SERPINA12: variants seen among roughly 807,000 people sequenced by gnomAD.
SERPINA12 encodes the protein serpin A12.
In SERPINA12, 21 loss-of-function variants were observed where a neutral mutation model predicts 25.9. That is an observed-to-expected ratio of 0.81 (90% CI 0.58 to 1.17). The LOEUF (loss-of-function observed/expected upper bound fraction) is 1.17, where lower values mean the gene tolerates loss of function less well. SERPINA12 is among the 50% of genes most tolerant of loss of function. The pLI, the probability that SERPINA12 is intolerant of heterozygous loss-of-function variation, is 0.00. For synonymous variants in SERPINA12, 220 were observed against 196.0 expected (o/e 1.12, Z -1.02); for missense variants, 562 against 508.3 (o/e 1.11, Z -1.02).
At chr14:94,514,573 A>C (rs1387128635) in intron 2 of SERPINA12, among the ~76,000 whole-genome samples, 1 of 152,158 alleles carries the variant, frequency 6.6e-6, no homozygotes, top group East Asian at 1.9e-4. Context: ...GTGGCTCTAA[A>C]GGGCTTGCTT....
At chr14:94,492,536 A>G (rs902938973) in intron 3 of SERPINA12, among the ~76,000 whole-genome samples, 9 of 152,228 alleles carry the variant, frequency 5.9e-5, no homozygotes, top group Non-Finnish European at 1.3e-4. Context: ...AGGAAAGATA[A>G]GGGCATCTTT....
intron 1 of SERPINA12, among the ~76,000 whole-genome samples, chr14:94,506,447 G>A (rs1900935404): frequency 6.6e-6 from 1 of 152,198 alleles, no homozygotes; most frequent in African/African-American, 2.4e-5. Context: ...GATCCTAGCT[G>A]GGGTGCTCTG....
chr14:94,492,136 G>A (rs1020008771), intron 3 of SERPINA12, among the ~76,000 whole-genome samples: 8 of 152,092 alleles, frequency 5.3e-5, no homozygotes, highest in African/African-American at 1.2e-4. Flanking sequence ...GAAACCAGCC[G>A]AAGAGCGAGG....
upstream of SERPINA12, among the ~76,000 whole-genome samples, chr14:94,513,988 A>G (rs1411371709): frequency 6.6e-6 from 1 of 152,134 alleles, no homozygotes; most frequent in African/African-American, 2.4e-5. Context: ...GAAGGGCAGC[A>G]TGGTGCGGGC....
At chr14:94,502,092 A>T (rs1900755215) in intron 1 of SERPINA12, among the ~76,000 whole-genome samples, 1 of 145,216 alleles carries the variant, frequency 6.9e-6, no homozygotes, top group Non-Finnish European at 1.5e-5. Flanking sequence ...ATAAATAAAG[A>T]GATAAAACTA....
At chr14:94,503,737 T>C (rs1476224662) in intron 1 of SERPINA12, among the ~76,000 whole-genome samples, 2 of 152,232 alleles carry the variant, frequency 1.3e-5, no homozygotes, top group Non-Finnish European at 2.9e-5. Flanking sequence ...ACTTTCTCCA[T>C]GAACCAGTGA....
chr14:94,501,208 A>G (rs1900706563), intron 1 of SERPINA12: 14 of 981,112 alleles, frequency 1.4e-5, no homozygotes, highest in Non-Finnish European at 1.7e-5. Context: ...GATTAAAAAT[A>G]GAAGCTTCTG....
At chr14:94,504,684 A>G (rs1900870081) in intron 1 of SERPINA12, among the ~76,000 whole-genome samples, 1 of 152,244 alleles carries the variant, frequency 6.6e-6, no homozygotes, top group East Asian at 1.9e-4. Context: ...CAGGAATTAA[A>G]AATTCACCTC....
At position 94,497,753 on chromosome 14, in the gene SERPINA12, A is replaced by G. The variant is rs759375590; in HGVS notation, c.634+11T>C. ...CCTATTCTTTCCACACCAACATGCC[A>G]AAAGCCTTACCTCGAAAGAAAATAT... On this transcript the variant is annotated intron_variant, in intron 2 of 4. Coordinates refer to ENST00000677451, the MANE Select transcript of SERPINA12 (RefSeq NM_001382267.1). 17 of 1,589,380 alleles carry G rather than the reference A, an allele frequency of 1.1e-5. No homozygotes were observed. The highest frequency in any genetic ancestry group is 1.5e-5 in the Non-Finnish European group (17 of 1,168,804).
In SERPINA12 at chr14:94,487,434, C is replaced by T. The variant is rs780759007; in HGVS notation, c.1114G>A (p.Gly372Arg). 1.2e-5 allele frequency: 20 copies of T among 1,613,880 alleles called. No individual in the cohort carries two copies. Among genetic ancestry groups the T allele is most frequent in the East Asian group, 1.1e-4 (5 of 44,858 alleles). ...GTCTCCATGGGCAGAGTCTGTGCTC[C>T]GGTGCCAGCGGCCCCTTCCGTACCC... The part of the protein sequence containing the change: ...ERGTEGAAGT[G>R]AQTLPMETPL... Residue 372 changes from glycine to arginine, a missense_variant, in exon 5 of 5, where the codon GGA (glycine) becomes AGA (arginine). Transcript: ENST00000677451.
upstream of SERPINA12, chr14:94,510,360 C>A: frequency 1.6e-6 from 1 of 638,574 alleles, no homozygotes; most frequent in Non-Finnish European, 1.9e-6. Context: ...CTCAACATTA[C>A]TAACCATCAG....
upstream of SERPINA12, chr14:94,509,995 TGCAGCCTGGGA>T: frequency 2.0e-6 from 2 of 985,386 alleles, no homozygotes; most frequent in South Asian, 9.4e-5. Context: ...ACCTCCCAGG[TGCAGCCTGGGA>T]GCAGGCAGCC....
At chr14:94,498,463 C>A (rs1900569920) in intron 1 of SERPINA12, 33 bp from the exon 2 acceptor site, 2 of 1,518,434 alleles carry the variant, frequency 1.3e-6, no homozygotes, top group South Asian at 1.3e-5. Flanking sequence ...ACATGATAAC[C>A]CCATTGCCTA....
intron 4 of SERPINA12, among the ~76,000 whole-genome samples, chr14:94,487,972 C>T (rs952312880): frequency 6.6e-6 from 1 of 152,152 alleles, no homozygotes; most frequent in Non-Finnish European, 1.5e-5. Context: ...AAGGCATCAA[C>T]GTCTGTAAAC....
intron 2 of SERPINA12, among the ~76,000 whole-genome samples, chr14:94,515,453 C>A (rs1270673790): frequency 6.6e-6 from 1 of 152,148 alleles, no homozygotes; most frequent in Admixed American, 6.5e-5. Flanking sequence ...AGTGAAGGAG[C>A]AGGGAGCCAC....
chr14:94,514,007 C>T (rs1205487141), upstream of SERPINA12, among the ~76,000 whole-genome samples: 2 of 152,010 alleles, frequency 1.3e-5, no homozygotes, highest in Non-Finnish European at 2.9e-5. Context: ...GCCTAGACTC[C>T]CAAGGCCACC....
chr14:94,489,145 G>C (rs866752470), intron 4 of SERPINA12, among the ~76,000 whole-genome samples: 1 of 137,150 alleles, frequency 7.3e-6, no homozygotes, highest in South Asian at 2.3e-4. Context: ...GAGAGAGAGA[G>C]AGAGAGAAAG....
chr14:94,492,423 C>A (rs556000526), intron 3 of SERPINA12, among the ~76,000 whole-genome samples: 1 of 152,348 alleles, frequency 6.6e-6, no homozygotes, highest in South Asian at 2.1e-4. Flanking sequence ...ACAAGCCATA[C>A]AGGCCTGCCT....
intron 1 of SERPINA12, among the ~76,000 whole-genome samples, chr14:94,508,399 AGAAAATT>A (rs1901008500): frequency 3.4e-5 from 2 of 59,158 alleles, no homozygotes; most frequent in Non-Finnish European, 7.8e-5. Flanking sequence ...TAGAAAATTT[AGAAAATT>A]TTTTTTTAAT....
Sources: gnomAD v4.1 joint callset for allele counts (sites outside exome capture counted in the v4.1 genomes callset) on GRCh38, gnomAD v4.1.1 for gene constraint, MANE v1.5 for transcripts, NCBI Gene and HGNC (gene_info 2026-07-23, HGNC 2026-07-21) for gene names.